The following SSBP2 variants were observed in gnomAD, a reference collection of about 807,000 sequenced individuals.
The protein encoded by SSBP2 is single-stranded DNA-binding protein 2.
In SSBP2, 17 loss-of-function variants were observed where a neutral mutation model predicts 61.8. The ratio of observed to expected loss-of-function variants is 0.28; its 90% CI spans 0.19 to 0.41. The LOEUF is 0.41. Ranked by LOEUF, SSBP2 falls within the 10% of genes least tolerant of loss-of-function variation. The pLI is 1.00. For missense variants in SSBP2, 310 were observed against 458.7 expected (o/e 0.68, Z 2.96); for synonymous variants, 139 against 141.3 (o/e 0.98, Z 0.12).
At chr5:81,424,378 C>T (rs1291971822) in intron 16 of SSBP2, among the ~76,000 whole-genome samples, 2 of 151,922 alleles carry the variant, frequency 1.3e-5, no homozygotes, top group Non-Finnish European at 2.9e-5. Context: ...GAGCCAAGAT[C>T]GCACCATTGC....
intron 4 of SSBP2, among the ~76,000 whole-genome samples, chr5:81,536,567 A>G (rs907773228): frequency 1.3e-5 from 2 of 152,190 alleles, no homozygotes; most frequent in African/African-American, 4.8e-5. Flanking sequence ...TATTTAGCCA[A>G]AGGAGTTGAA....
intron 6 of SSBP2, among the ~76,000 whole-genome samples, chr5:81,484,487 T>A (rs1766237122): frequency 6.6e-6 from 1 of 152,032 alleles, no homozygotes; most frequent in East Asian, 1.9e-4. Flanking sequence ...CAGGATAAAC[T>A]CAAAATTCAA....
At chr5:81,672,844 G>C (rs149270592) in intron 1 of SSBP2, among the ~76,000 whole-genome samples, 2,037 of 150,114 alleles carry the variant, frequency 0.014, 26 homozygotes, top group South Asian at 0.049. Flanking sequence ...AAAGTGCTGG[G>C]ATTACAGGCG....
intron 1 of SSBP2, among the ~76,000 whole-genome samples, chr5:81,714,673 G>A (rs1755053232): frequency 6.6e-6 from 1 of 152,116 alleles, no homozygotes; most frequent in Non-Finnish European, 1.5e-5. Context: ...TTTTTTTCAT[G>A]TTTGTTGGCT....
intron 1 of SSBP2, among the ~76,000 whole-genome samples, chr5:81,745,712 T>C (rs73768116): frequency 0.098 from 14,934 of 152,156 alleles, 815 homozygotes; most frequent in Middle Eastern, 0.2. Flanking sequence ...AGTAGTTCCA[T>C]GTCTTTCAAA....
intron 5 of SSBP2, 58 bp from the exon 6 acceptor site, chr5:81,489,367 T>G: frequency 7.2e-7 from 1 of 1,394,048 alleles, no homozygotes; most frequent in Non-Finnish European, 9.7e-7. Context: ...GTAAAATACA[T>G]ATCTGAAAAT....
chr5:81,502,183 G>A (rs1337915853), intron 5 of SSBP2, among the ~76,000 whole-genome samples: 1 of 152,082 alleles, frequency 6.6e-6, no homozygotes, highest in Non-Finnish European at 1.5e-5. Context: ...CATTGAACAA[G>A]GCCACTAATG....
intron 10 of SSBP2, among the ~76,000 whole-genome samples, chr5:81,454,630 G>A (rs552683733): frequency 5.3e-5 from 8 of 151,844 alleles, no homozygotes; most frequent in Non-Finnish European, 1.0e-4. Flanking sequence ...GCAGTGAGCC[G>A]AGATTGTGCC....
intron 4 of SSBP2, among the ~76,000 whole-genome samples, chr5:81,520,174 A>G (rs896401446): frequency 3.0e-4 from 45 of 152,034 alleles, no homozygotes; most frequent in African/African-American, 1.1e-3. Context: ...TAGTAGAGAC[A>G]GGGTTTCACC....
intron 8 of SSBP2, among the ~76,000 whole-genome samples, chr5:81,469,827 G>A (rs1291940746): frequency 6.6e-6 from 1 of 151,960 alleles, no homozygotes; most frequent in African/African-American, 2.4e-5. Flanking sequence ...AAGGCAGAAT[G>A]GGAAGACCTA....
chr5:81,693,147 C>T (rs1351081296), intron 1 of SSBP2, among the ~76,000 whole-genome samples: 5 of 146,738 alleles, frequency 3.4e-5, no homozygotes, highest in African/African-American at 7.6e-5. Flanking sequence ...GAGGTTGCAG[C>T]GAGCCTAGAT....
chr5:81,732,425 A>G (rs1756331325), intron 1 of SSBP2, among the ~76,000 whole-genome samples: 1 of 152,166 alleles, frequency 6.6e-6, no homozygotes, highest in Admixed American at 6.5e-5. Context: ...TCTTTTCATA[A>G]TGTTTTAAAT....
chr5:81,483,398 T>C (rs986137142), intron 6 of SSBP2, among the ~76,000 whole-genome samples: 7 of 152,270 alleles, frequency 4.6e-5, no homozygotes, highest in African/African-American at 1.4e-4. Context: ...TAAATGCTCA[T>C]TGATGCTGAA....
At chr5:81,573,050 T>A (rs1437818134) in intron 4 of SSBP2, among the ~76,000 whole-genome samples, 2 of 152,238 alleles carry the variant, frequency 1.3e-5, no homozygotes, top group Non-Finnish European at 2.9e-5. Flanking sequence ...TCAATTTATA[T>A]GTATTTTTTT....
At chr5:81,536,464 T>C (rs1770812655) in intron 4 of SSBP2, among the ~76,000 whole-genome samples, 1 of 152,052 alleles carries the variant, frequency 6.6e-6, no homozygotes, top group Non-Finnish European at 1.5e-5. Flanking sequence ...ATCCCCTTTC[T>C]CCTCCCAACC....
intron 10 of SSBP2, among the ~76,000 whole-genome samples, chr5:81,449,530 C>A (rs1467389672): frequency 6.6e-6 from 1 of 152,152 alleles, no homozygotes. Context: ...TTCTGAAGAA[C>A]ACCAATAGAT....
intron 4 of SSBP2, among the ~76,000 whole-genome samples, chr5:81,589,011 G>A (rs914501070): frequency 1.3e-5 from 2 of 152,186 alleles, no homozygotes; most frequent in Non-Finnish European, 2.9e-5. Context: ...GCTGCAGTGA[G>A]CTGTGACTGT....
chr5:81,582,533 G>C (rs1449990731), intron 4 of SSBP2, among the ~76,000 whole-genome samples: 1 of 152,114 alleles, frequency 6.6e-6, no homozygotes, highest in Non-Finnish European at 1.5e-5. Context: ...AAAATCTGAA[G>C]AAAAATCTTC....
At position 81,442,740 on chromosome 5, in the gene SSBP2, C is replaced by G. The variant is rs1317322271; in HGVS notation, c.779-17G>C. 13 of 1,379,062 alleles carry G rather than the reference C, an allele frequency of 9.4e-6. No individual in the cohort carries two copies. The highest frequency in any genetic ancestry group is 1.2e-5 in the Non-Finnish European group (12 of 991,012). The allele number at this position is 1,379,062 out of a possible 1,614,324, so 85.4% of individuals were successfully genotyped here. Reference sequence around the variant, plus strand: ...TGGTTGAATCTGAAACAAAATATTACTTAATTAAAATATTTCTTTAGAGTC... The same window carrying G: ...TGGTTGAATCTGAAACAAAATATTAGTTAATTAAAATATTTCTTTAGAGTC... On this transcript the variant is annotated splice_polypyrimidine_tract_variant and intron_variant, in intron 12 of 16. Coordinates refer to ENST00000320672, the MANE Select transcript of SSBP2 (RefSeq NM_012446.5).
Sources: gnomAD v4.1 joint callset for allele counts (sites outside exome capture counted in the v4.1 genomes callset) on GRCh38, gnomAD v4.1.1 for gene constraint, MANE v1.5 for transcripts, NCBI Gene and HGNC (gene_info 2026-07-23, HGNC 2026-07-21) for gene names.